The following BMP1 variants were observed in gnomAD, a reference collection of about 807,000 sequenced individuals.
BMP1 encodes the protein mammalian tolloid protein.
BMP1 carries 63 observed loss-of-function variants against 116.8 expected under a neutral mutation model. The ratio of observed to expected loss-of-function variants is 0.54; its 90% CI spans 0.44 to 0.67. The LOEUF (loss-of-function observed/expected upper bound fraction) is 0.67. BMP1 is among the 30% of genes least tolerant of loss of function. BMP1 has a pLI of 0.00. For synonymous variants in BMP1, 536 were observed against 533.4 expected, an observed-to-expected ratio of 1.00 and a Z score of -0.07; for missense variants, 1,183 against 1,358.9, an observed-to-expected ratio of 0.87 and a Z score of 2.04.
intron 19 of BMP1, among the ~76,000 whole-genome samples, chr8:22,210,509 C>T (rs1315268795): frequency 1.3e-5 from 2 of 151,808 alleles, no homozygotes; most frequent in Non-Finnish European, 2.9e-5. Flanking sequence ...CTTGCATGCA[C>T]TTTCAAATAC....
chr8:22,190,892 T>C (rs1335563253), intron 8 of BMP1, among the ~76,000 whole-genome samples: 1 of 152,134 alleles, frequency 6.6e-6, no homozygotes, highest in Non-Finnish European at 1.5e-5. Context: ...CCATCGAGTG[T>C]CCGCTGCACT....
At chr8:22,176,388 G>A (rs1828435227) in intron 3 of BMP1, 75 bp downstream of exon 3, 28 of 1,561,974 alleles carry the variant, frequency 1.8e-5, no homozygotes, top group Non-Finnish European at 2.3e-5. Flanking sequence ...GCCAGGCACG[G>A]AGGCGTGGGT....
intron 16 of BMP1, among the ~76,000 whole-genome samples, chr8:22,203,722 C>G (rs577548168): frequency 2.0e-5 from 3 of 152,136 alleles, no homozygotes; most frequent in Non-Finnish European, 2.9e-5. Context: ...GAAACAGAAC[C>G]GAAGCCCTCA....
At chr8:22,176,467 T>TC in intron 3 of BMP1, 66 bp from the exon 4 acceptor site, 1 of 1,580,490 alleles carries the variant, frequency 6.3e-7, no homozygotes, top group East Asian at 2.2e-5. Flanking sequence ...CTGTGACTCT[T>TC]CAGTGGTGGG....
chr8:22,190,757 A>G lies in BMP1; in HGVS notation c.1078-1292A>G, dbSNP rs117798111. On this transcript the variant is annotated intron_variant, in intron 8 of 19. Coordinates refer to ENST00000306385, the MANE Select transcript of BMP1 (RefSeq NM_006129.5). ...CTACAGACAGCCACTGCCAGTGCCC[A>G]CCTTGGAATCTTTTTCATCCTGGCC... Among the ~76,000 whole-genome samples, 975 of 152,208 alleles carry G rather than the reference A, an allele frequency of 6.4e-3. 18 individuals are homozygous for G. In the East Asian group the frequency reaches 0.075, roughly 12 times the overall value.
rs200412717 is a variant in BMP1, at chr8:22,180,350, C to G, written c.962-18C>G. On this transcript the variant is annotated intron_variant, in intron 7 of 19. Transcript: ENST00000306385. The stretch of plus-strand genomic sequence containing the variant: ...TTTGGCGCCTGCAGCCCTGCCCTGT[C>G]ATTTCCTTTCCTCACAGCCTGTGGA... The G allele has an allele frequency of 3.1e-6, 5 of 1,600,022 alleles. No homozygotes were observed. In the Admixed American group the frequency reaches 6.7e-5, roughly 21 times the overall value.
At position 22,201,388 on chromosome 8, in the gene BMP1, C is replaced by G. The variant is rs969785494; in HGVS notation, c.2108-415C>G. On this transcript the variant is annotated intron_variant, in intron 15 of 19. Coordinates refer to ENST00000306385, the MANE Select transcript of BMP1 (RefSeq NM_006129.5). ...CCCGTCCGCGGACCGGGGACCCTTC[C>G]CCGTGCCCTACCCCCTCCCATTTTG... is the stretch of plus-strand genomic sequence containing the variant. 4 of 1,459,102 alleles carry G rather than the reference C, an allele frequency of 2.7e-6. No individual in the cohort carries two copies. In the African/African-American group the frequency reaches 5.7e-5, roughly 21 times the overall value. The allele number at this position is 1,459,102 out of a possible 1,614,324, so 90.4% of individuals were successfully genotyped here.
At chr8:22,189,433 T>TACAC (rs10672713) in intron 8 of BMP1, among the ~76,000 whole-genome samples, 104,371 of 141,186 alleles carry the variant, frequency 0.74, 40,074 homozygotes, top group Middle Eastern at 0.89. Flanking sequence ...TTGATGGAGA[T>TACAC]ACACACACAC....
Position 22,197,238 on chromosome 8 carries a change from A to G in BMP1, c.1927-2A>G. The G allele has an allele frequency of 6.2e-7, 1 of 1,606,616 alleles. No individual in the cohort carries two copies. The highest frequency in any genetic ancestry group is 8.5e-7 in the Non-Finnish European group (1 of 1,173,752). On this transcript the variant is annotated splice_acceptor_variant, in intron 14 of 19. Coordinates refer to ENST00000306385, the MANE Select transcript of BMP1 (RefSeq NM_006129.5). LOFTEE classifies it high-confidence loss of function. Reference sequence around the variant, plus strand: ...CGGGCCTGGAGCTGGGCTTCCCTGCAGGTGTGCAAGTACGACTTCGTGGAG... The same window carrying G: ...CGGGCCTGGAGCTGGGCTTCCCTGCGGGTGTGCAAGTACGACTTCGTGGAG...
intron 15 of BMP1, among the ~76,000 whole-genome samples, chr8:22,199,555 C>T (rs1373737811): frequency 2.6e-5 from 4 of 152,252 alleles, no homozygotes; most frequent in Admixed American, 6.5e-5. Context: ...CATTCACTTA[C>T]GCGTTCACTC....
chr8:22,199,406 C>T (rs1829193381), intron 15 of BMP1: 4 of 1,264,078 alleles, frequency 3.2e-6, no homozygotes, highest in Non-Finnish European at 4.1e-6. Flanking sequence ...CATCTCCTTG[C>T]CTGGGCCCAT....
At chr8:22,176,487 G>C in intron 3 of BMP1, 46 bp from the exon 4 acceptor site, 1 of 1,594,400 alleles carries the variant, frequency 6.3e-7, no homozygotes, top group Non-Finnish European at 8.6e-7. Flanking sequence ...GTAGGGGGTG[G>C]GACTGCCTGG....
At chr8:22,176,708 C>CCTGGGCCCTGCCA in intron 4 of BMP1, 58 bp downstream of exon 4, 12 of 1,565,104 alleles carry the variant, frequency 7.7e-6, no homozygotes, top group Non-Finnish European at 1.1e-5. Flanking sequence ...CAGGTTCTGC[C>CCTGGGCCCTGCCA]CTGGGCCCTG....
chr8:22,193,995 G>A lies in BMP1; in HGVS notation c.1181-63G>A, dbSNP rs980369627. ...CCAAGCACCCAAGCCTCCTGGAGAG[G>A]TGGGGCCTCTATAGGGGGTGTCCTC... is the stretch of plus-strand genomic sequence containing the variant. On this transcript the variant is annotated intron_variant, in intron 9 of 19. Transcript: ENST00000306385. 5 of 1,366,110 alleles carry A rather than the reference G, an allele frequency of 3.7e-6. No individual in the cohort carries two copies. In the African/African-American group the frequency reaches 5.7e-5, roughly 16 times the overall value. 84.6% of individuals were successfully genotyped at this position (1,366,110 alleles called of 1,614,324 possible).
Position 22,176,995 on chromosome 8 carries a change from C to A in BMP1, c.586C>A (p.Pro196Thr). ...CSYVGRRGGGPQAISIGKNCD... is the reference protein window; with the variant it reads ...CSYVGRRGGGTQAISIGKNCD... ...CTACGTGGGTCGCCGCGGCGGGGGC[C>A]CCCAGGCCATCTCCATCGGCAAGAA... Residue 196 changes from proline (P) to threonine (T), a missense_variant, in exon 5 of 20, where the codon CCC (proline) becomes ACC (threonine). Physicochemically the swap from Pro to Thr is conservative, Grantham distance 38. Coordinates refer to ENST00000306385, the MANE Select transcript of BMP1 (RefSeq NM_006129.5). 1.2e-6 allele frequency: 2 copies of A among 1,612,530 alleles called. No homozygotes were observed. The highest frequency in any genetic ancestry group is 1.7e-6 in the Non-Finnish European group (2 of 1,179,506).
Position 22,206,871 on chromosome 8 carries a change from G to C in BMP1, c.2251G>C (p.Val751Leu), listed in dbSNP as rs781703594. 1.2e-6 allele frequency: 2 copies of C among 1,614,156 alleles called. No individual in the cohort carries two copies. Among genetic ancestry groups the C allele is most frequent in the Non-Finnish European group, 8.5e-7 (1 of 1,180,010 alleles). The change falls in exon 17 of 20, where the codon GTG becomes CTG. Residue 751 changes from valine (V) to leucine (L), a missense_variant. Val to Leu is a conservative substitution (Grantham distance 32). Transcript: ENST00000306385. ...DCKEAGCDHK[V>L]TSTSGTITSP... ...CCCTGCAGCCGGCTGTGACCACAAG[G>C]TGACATCCACCAGTGGTACCATCAC...
At chr8:22,176,071 T>G (rs543962647) in intron 2 of BMP1, 72 bp from the exon 3 acceptor site, 230 of 1,492,058 alleles carry the variant, frequency 1.5e-4, no homozygotes, top group Non-Finnish European at 1.9e-4. Context: ...CCATGAAAAA[T>G]GAGGTTTGAC....
Position 22,166,698 on chromosome 8 carries a change from C to T in BMP1, c.148+1145C>T, listed in dbSNP as rs550959015. 2.2e-4 allele frequency among the ~76,000 whole-genome samples: 34 copies of T among 152,334 alleles called. 1 individual carries two copies. Among genetic ancestry groups the T allele is most frequent in the African/African-American group, 7.7e-4 (32 of 41,572 alleles). On this transcript the variant is annotated intron_variant, in intron 1 of 19. Transcript: ENST00000306385. ...TAGTCCTGGCTCTGGAGACCCTGTT[C>T]AGGGACTCTCCTGGGAGGGTGGCCC...
chr8:22,203,804 G>C (rs1252453290), intron 16 of BMP1, among the ~76,000 whole-genome samples: 1 of 152,186 alleles, frequency 6.6e-6, no homozygotes, highest in Admixed American at 6.5e-5. Flanking sequence ...CAGTTCCTGA[G>C]TCATGGAACT....
Sources: gnomAD v4.1 joint callset for allele counts (sites outside exome capture counted in the v4.1 genomes callset) on GRCh38, gnomAD v4.1.1 for gene constraint, MANE v1.5 for transcripts, NCBI Gene and HGNC (gene_info 2026-07-23, HGNC 2026-07-21) for gene names.